Variants in CTNNA3 observed in about 807,000 individuals in gnomAD.
CTNNA3 encodes the protein catenin alpha 3, also known as catenin alpha-3.
Under a neutral mutation model 95.7 loss-of-function variants are expected in CTNNA3, and 76 were observed. The observed-to-expected ratio is 0.79, with a 90% CI of 0.66 to 0.96. The LOEUF (loss-of-function observed/expected upper bound fraction) is 0.96. Among genes scored for constraint, CTNNA3 ranks in the 40% least tolerant of loss-of-function variants. The pLI is 0.00. For synonymous variants in CTNNA3, 431 were observed against 374.4 expected (o/e 1.15, Z -1.74); for missense variants, 1,191 against 1,089.8 (o/e 1.09, Z -1.31).
At chr10:67,605,181 T>C (rs982591841) in intron 3 of CTNNA3, among the ~76,000 whole-genome samples, 4 of 152,170 alleles carry the variant, frequency 2.6e-5, no homozygotes, top group Non-Finnish European at 5.9e-5. Context: ...TTGGTCTATA[T>C]ATACAAAGGA....
intron 7 of CTNNA3, among the ~76,000 whole-genome samples, chr10:66,880,570 C>G (rs1486233073): frequency 6.6e-6 from 1 of 152,052 alleles, no homozygotes; most frequent in Non-Finnish European, 1.5e-5. Context: ...TGACCCTAGT[C>G]TTGGAAATAA....
At chr10:66,343,433 T>C (rs2092473200) in intron 12 of CTNNA3, among the ~76,000 whole-genome samples, 1 of 151,892 alleles carries the variant, frequency 6.6e-6, no homozygotes, top group African/African-American at 2.4e-5. Context: ...GTGGATAGAA[T>C]TGGAGGATTA....
intron 7 of CTNNA3, among the ~76,000 whole-genome samples, chr10:67,087,222 A>G (rs1442508481): frequency 6.6e-6 from 1 of 152,036 alleles, no homozygotes; most frequent in East Asian, 1.9e-4. Context: ...TTTCATTGGC[A>G]CTACAAAAAT....
chr10:65,941,835 C>A (rs1473640132), intron 17 of CTNNA3, among the ~76,000 whole-genome samples: 2 of 151,524 alleles, frequency 1.3e-5, no homozygotes, highest in South Asian at 4.2e-4. Context: ...AAGATGTTTA[C>A]AATTTGCAAC....
At chr10:67,554,233 T>A (rs1841146334) in intron 3 of CTNNA3, among the ~76,000 whole-genome samples, 2 of 152,218 alleles carry the variant, frequency 1.3e-5, no homozygotes, top group South Asian at 2.1e-4. Context: ...TGTGCATGTG[T>A]CTTTGTAGCA....
intron 12 of CTNNA3, among the ~76,000 whole-genome samples, chr10:66,315,784 T>C (rs1416538995): frequency 6.6e-6 from 1 of 152,076 alleles, no homozygotes; most frequent in East Asian, 1.9e-4. Flanking sequence ...ACAAGTTTAT[T>C]CTCTTAGGAA....
chr10:67,188,035 C>T (rs1250388888), intron 6 of CTNNA3, among the ~76,000 whole-genome samples: 1 of 152,184 alleles, frequency 6.6e-6, no homozygotes, highest in Admixed American at 6.5e-5. Flanking sequence ...AGCATCCCTG[C>T]CCTCCTCACA....
rs555206917 is a variant in CTNNA3 at position 66,673,607 on chromosome 10, T to C, written c.1282-51823A>G. Among the ~76,000 whole-genome samples the C allele has an allele frequency of 6.4e-4, 97 of 152,146 alleles. 1 individual carries two copies. Among genetic ancestry groups the C allele is most frequent in the African/African-American group, 2.2e-3 (93 of 41,538 alleles). Reference sequence around the variant, plus strand: ...TCTTTACTGGTGGAAAATGATATATTTAAGCTTCCAATTTATGAATAATTA... The same window carrying C: ...TCTTTACTGGTGGAAAATGATATATCTAAGCTTCCAATTTATGAATAATTA... On this transcript the variant is annotated intron_variant, in intron 9 of 17. Coordinates refer to ENST00000433211, the MANE Select transcript of CTNNA3 (RefSeq NM_013266.4).
At chr10:67,365,194 C>A (rs1843159497) in intron 5 of CTNNA3, among the ~76,000 whole-genome samples, 1 of 125,938 alleles carries the variant, frequency 7.9e-6, no homozygotes, top group South Asian at 2.6e-4. Flanking sequence ...GAAACAGGAT[C>A]CCTTCCTTAT....
At chr10:66,128,403 G>C (rs1258972038) in intron 13 of CTNNA3, among the ~76,000 whole-genome samples, 2 of 151,980 alleles carry the variant, frequency 1.3e-5, no homozygotes, top group Non-Finnish European at 2.9e-5. Context: ...GATCTCCTTT[G>C]GTAGGTGAAT....
intron 7 of CTNNA3, among the ~76,000 whole-genome samples, chr10:66,851,460 T>C (rs981354705): frequency 6.6e-6 from 1 of 152,146 alleles, no homozygotes; most frequent in African/African-American, 2.4e-5. Flanking sequence ...TGTCGAATTA[T>C]AATCTCCAGT....
At chr10:67,569,284 T>C (rs911576063) in intron 3 of CTNNA3, among the ~76,000 whole-genome samples, 3 of 152,166 alleles carry the variant, frequency 2.0e-5, no homozygotes, top group Non-Finnish European at 4.4e-5. Context: ...GATTGGGAAG[T>C]ACTTAATATG....
chr10:66,482,903 C>T (rs1189633881), intron 11 of CTNNA3, among the ~76,000 whole-genome samples: 2 of 152,094 alleles, frequency 1.3e-5, no homozygotes, highest in African/African-American at 2.4e-5. Flanking sequence ...GGAGGAGGGC[C>T]TGGTCCAGGG....
At chr10:66,360,646 T>C (rs1174551432) in intron 12 of CTNNA3, among the ~76,000 whole-genome samples, 1,062 of 66,616 alleles carry the variant, frequency 0.016, 15 homozygotes, top group African/African-American at 0.058. Flanking sequence ...TTTCTTTCTT[T>C]CTTTCTTTCT....
chr10:67,451,961 T>C (rs978097069), intron 5 of CTNNA3, among the ~76,000 whole-genome samples: 2 of 151,040 alleles, frequency 1.3e-5, no homozygotes, highest in South Asian at 4.2e-4. Flanking sequence ...ATCCGTGTTG[T>C]GATAACTACA....
intron 10 of CTNNA3, among the ~76,000 whole-genome samples, chr10:66,612,686 G>T (rs560009164): frequency 6.6e-6 from 1 of 152,074 alleles, no homozygotes; most frequent in Admixed American, 6.6e-5. Context: ...AAATCCAAGG[G>T]TGCCTCCTGT....
intron 7 of CTNNA3, among the ~76,000 whole-genome samples, chr10:66,909,770 G>A: frequency 6.6e-6 from 1 of 151,980 alleles, no homozygotes; most frequent in East Asian, 1.9e-4. Flanking sequence ...TCACATCTTG[G>A]GTAACAGATT....
At chr10:66,768,649 C>T (rs12265964) in intron 8 of CTNNA3, among the ~76,000 whole-genome samples, 4,227 of 152,100 alleles carry the variant, frequency 0.028, 193 homozygotes, top group African/African-American at 0.097. Flanking sequence ...ACCATTTCCT[C>T]ACCTTTCTAC....
intron 13 of CTNNA3, among the ~76,000 whole-genome samples, chr10:66,233,078 T>C (rs1402771566): frequency 7.2e-6 from 1 of 139,454 alleles, no homozygotes; most frequent in Non-Finnish European, 1.5e-5. Context: ...GAGAATGGCG[T>C]GAACCCGGGA....
Sources: allele counts gnomAD v4.1 joint callset (sites outside exome capture counted in the v4.1 genomes callset), GRCh38; gene constraint gnomAD v4.1.1; transcripts MANE v1.5; gene names NCBI Gene and HGNC (gene_info 2026-07-23, HGNC 2026-07-21).